The following IMMP2L variants were observed in gnomAD, a reference collection of about 807,000 sequenced individuals.
The protein encoded by IMMP2L is inner mitochondrial membrane peptidase subunit 2.
IMMP2L carries 18 observed loss-of-function variants against 19.3 expected under a neutral mutation model. The observed-to-expected ratio is 0.93, with a 90% CI of 0.64 to 1.38. The LOEUF (loss-of-function observed/expected upper bound fraction) is 1.38, where lower values mean the gene tolerates loss of function less well. Ranked by LOEUF, IMMP2L falls within the 40% of genes most tolerant of loss-of-function variation. The pLI is 0.00. For missense variants in IMMP2L, 233 were observed against 218.2 expected, an observed-to-expected ratio of 1.07 and a Z score of -0.43; for synonymous variants, 76 against 73.0, an observed-to-expected ratio of 1.04 and a Z score of -0.21.
chr7:111,516,883 C>T (rs548008686), intron 2 of IMMP2L, among the ~76,000 whole-genome samples: 23 of 152,156 alleles, frequency 1.5e-4, no homozygotes, highest in East Asian at 5.8e-4. Context: ...AGGTGAGTGA[C>T]GACACAGAGA....
At chr7:111,338,488 G>T (rs1314992014) in intron 3 of IMMP2L, among the ~76,000 whole-genome samples, 1 of 151,982 alleles carries the variant, frequency 6.6e-6, no homozygotes, top group East Asian at 1.9e-4. Flanking sequence ...ATAATTAATG[G>T]ATATGCCATA....
intron 5 of IMMP2L, among the ~76,000 whole-genome samples, chr7:110,793,958 A>T (rs1398187199): frequency 6.6e-6 from 1 of 152,168 alleles, no homozygotes; most frequent in Non-Finnish European, 1.5e-5. Flanking sequence ...AAAACAAGTT[A>T]CCACTACATA....
At chr7:110,942,182 A>G (rs998219520) in intron 4 of IMMP2L, among the ~76,000 whole-genome samples, 2 of 151,970 alleles carry the variant, frequency 1.3e-5, no homozygotes, top group Admixed American at 1.3e-4. Flanking sequence ...TCAAGAGTTA[A>G]GTTTCTTGCA....
chr7:111,219,570 A>C (rs1380172876), intron 3 of IMMP2L, among the ~76,000 whole-genome samples: 2 of 151,910 alleles, frequency 1.3e-5, no homozygotes, highest in Non-Finnish European at 2.9e-5. Flanking sequence ...GTGAGTCTCT[A>C]TTTTTGCTTA....
rs542783170 is a variant in IMMP2L at position 111,270,754 on chromosome 7, A to G, written c.239+216484T>C. 4.6e-5 allele frequency among the ~76,000 whole-genome samples: 7 copies of G among 152,302 alleles called. No homozygotes were observed. In the East Asian group the frequency reaches 5.8e-4, roughly 13 times the overall value. On this transcript the variant is annotated intron_variant, in intron 3 of 5. Transcript: ENST00000405709. ...TGAACTGAAAAGACCTCCATCTAAT[A>G]AAAACACAAGTATTTATTTGTTTTT...
chr7:111,206,600 C>T (rs1358217698), intron 3 of IMMP2L, among the ~76,000 whole-genome samples: 2 of 151,906 alleles, frequency 1.3e-5, no homozygotes, highest in African/African-American at 4.8e-5. Flanking sequence ...AAAATAATAA[C>T]ATAAGGATAA....
At chr7:110,874,109 T>G (rs114399214) in intron 5 of IMMP2L, among the ~76,000 whole-genome samples, 1 of 152,294 alleles carries the variant, frequency 6.6e-6, no homozygotes, top group African/African-American at 2.4e-5. Flanking sequence ...GTGATGTTTT[T>G]GGCTGGCTTT....
chr7:110,781,829 AC>A (rs935721092), intron 5 of IMMP2L, among the ~76,000 whole-genome samples: 4 of 151,976 alleles, frequency 2.6e-5, no homozygotes, highest in African/African-American at 9.7e-5. Flanking sequence ...AACAAAAAGT[AC>A]ATATAAAGTT....
At chr7:111,029,511 A>G (rs1827186542) in intron 3 of IMMP2L, among the ~76,000 whole-genome samples, 1 of 152,174 alleles carries the variant, frequency 6.6e-6, no homozygotes, top group East Asian at 1.9e-4. Context: ...CTGACCAGAG[A>G]GGAATCAACT....
chr7:111,092,722 G>C (rs866798537), intron 3 of IMMP2L, among the ~76,000 whole-genome samples: 4 of 152,146 alleles, frequency 2.6e-5, no homozygotes, highest in Non-Finnish European at 5.9e-5. Flanking sequence ...CTTGTAAAGG[G>C]AAGCCAGCTA....
chr7:110,855,774 G>T (rs1450520697), intron 5 of IMMP2L, among the ~76,000 whole-genome samples: 2 of 151,790 alleles, frequency 1.3e-5, no homozygotes, highest in East Asian at 3.9e-4. Context: ...ACCTTTATTT[G>T]ATCACTATAA....
intron 3 of IMMP2L, among the ~76,000 whole-genome samples, chr7:111,205,878 A>C (rs1586823923): frequency 6.6e-6 from 1 of 152,138 alleles, no homozygotes; most frequent in Admixed American, 6.6e-5. Flanking sequence ...GGGCGAGTTC[A>C]TTTGTGACCT....
chr7:111,139,678 A>C (rs1802685536), intron 3 of IMMP2L, among the ~76,000 whole-genome samples: 1 of 152,298 alleles, frequency 6.6e-6, no homozygotes, highest in Non-Finnish European at 1.5e-5. Context: ...AGACACATAA[A>C]ATAGTGTCTA....
At chr7:111,161,321 T>A (rs920958792) in intron 3 of IMMP2L, among the ~76,000 whole-genome samples, 3 of 151,874 alleles carry the variant, frequency 2.0e-5, no homozygotes, top group African/African-American at 7.2e-5. Flanking sequence ...CATGTATGTA[T>A]ATGTAAATAT....
intron 2 of IMMP2L, among the ~76,000 whole-genome samples, chr7:111,495,759 T>G (rs894821842): frequency 6.6e-6 from 1 of 152,184 alleles, no homozygotes; most frequent in Non-Finnish European, 1.5e-5. Flanking sequence ...TTTTAAAGAA[T>G]CTACAGCCTA....
intron 3 of IMMP2L, among the ~76,000 whole-genome samples, chr7:111,013,447 T>G (rs928010167): frequency 6.6e-6 from 1 of 152,088 alleles, no homozygotes; most frequent in Non-Finnish European, 1.5e-5. Flanking sequence ...GAGGTAAGAC[T>G]GAAAGAATTG....
chr7:110,873,358 G>T (rs1390599746), intron 5 of IMMP2L, among the ~76,000 whole-genome samples: 2 of 127,780 alleles, frequency 1.6e-5, no homozygotes, highest in Admixed American at 1.0e-4. Context: ...TGAACCAGAG[G>T]AACAGGTTTC....
At chr7:110,669,676 A>T (rs888191697) in intron 5 of IMMP2L, among the ~76,000 whole-genome samples, 8 of 152,194 alleles carry the variant, frequency 5.3e-5, no homozygotes, top group Non-Finnish European at 7.3e-5. Context: ...GCCATGGGGT[A>T]AGTACTGTTA....
intron 5 of IMMP2L, among the ~76,000 whole-genome samples, chr7:110,786,161 C>T (rs1800061181): frequency 6.6e-6 from 1 of 151,812 alleles, no homozygotes; most frequent in Non-Finnish European, 1.5e-5. Context: ...GAAACAGCTT[C>T]ATATAAAGAA....
Sources: gnomAD v4.1 joint callset for allele counts (sites outside exome capture counted in the v4.1 genomes callset) on GRCh38, gnomAD v4.1.1 for gene constraint, MANE v1.5 for transcripts, NCBI Gene and HGNC (gene_info 2026-07-23, HGNC 2026-07-21) for gene names.